Variants in DCLK2 observed in about 807,000 individuals in gnomAD.
DCLK2 encodes the protein serine/threonine-protein kinase DCLK2.
A neutral mutation model predicts 78.4 loss-of-function variants in DCLK2; 31 were observed. The observed-to-expected ratio is 0.40, with a 90% CI of 0.30 to 0.53. DCLK2 has a LOEUF of 0.53. Among genes scored for constraint, DCLK2 ranks in the 20% least tolerant of loss-of-function variants. DCLK2 has a pLI of 0.61. For synonymous variants in DCLK2, 407 were observed against 374.9 expected (o/e 1.09, Z -0.99); for missense variants, 872 against 973.7 (o/e 0.90, Z 1.39).
At chr4:150,213,811 A>T (rs1740485847) in intron 5 of DCLK2, among the ~76,000 whole-genome samples, 1 of 152,212 alleles carries the variant, frequency 6.6e-6, no homozygotes, top group Non-Finnish European at 1.5e-5. Context: ...GAATTAGGTG[A>T]CTTCCTTTAG....
rs1202230161 is a variant in DCLK2 at position 150,122,629 on chromosome 4, G to C, written c.756+19817G>C. 2.0e-5 allele frequency among the ~76,000 whole-genome samples: 3 copies of C among 152,178 alleles called. No individual in the cohort carries two copies. The South Asian group carries it at 6.2e-4, about 32-fold the overall frequency. On this transcript the variant is annotated intron_variant, in intron 2 of 15. Coordinates refer to ENST00000296550, the MANE Select transcript of DCLK2 (RefSeq NM_001040260.4). ...TGGGTGGGGGGCTAGGGGAGGGAGAGCATTAGGAGAAACACCTAATGTGGA... is the reference window on the plus strand; with the variant it reads ...TGGGTGGGGGGCTAGGGGAGGGAGACCATTAGGAGAAACACCTAATGTGGA...
chr4:150,246,161 C>T (rs1040768790), intron 12 of DCLK2, among the ~76,000 whole-genome samples: 4 of 152,074 alleles, frequency 2.6e-5, no homozygotes, highest in African/African-American at 7.2e-5. Context: ...TCTCCTGCCC[C>T]AGCCTCCTGA....
chr4:150,190,276 T>C (rs1464054945), intron 2 of DCLK2, among the ~76,000 whole-genome samples: 4 of 118,874 alleles, frequency 3.4e-5, no homozygotes, highest in Admixed American at 3.2e-4. Context: ...GATAGATAGA[T>C]AGATAGATAG....
intron 2 of DCLK2, among the ~76,000 whole-genome samples, chr4:150,162,977 T>C (rs1246161673): frequency 1.3e-5 from 2 of 152,230 alleles, no homozygotes; most frequent in African/African-American, 4.8e-5. Flanking sequence ...GTCTAACGAA[T>C]TGTTGGTACT....
At chr4:150,201,065 G>T (rs1354796144) in intron 4 of DCLK2, among the ~76,000 whole-genome samples, 2 of 152,112 alleles carry the variant, frequency 1.3e-5, no homozygotes, top group African/African-American at 4.8e-5. Flanking sequence ...TGATCCACCC[G>T]CCTCAGCCTC....
chr4:150,249,229 A>T (rs1196544737), intron 14 of DCLK2, among the ~76,000 whole-genome samples: 1 of 152,120 alleles, frequency 6.6e-6, no homozygotes. Context: ...TGATGCTTCC[A>T]TGGGAGGGAT....
chr4:150,147,993 A>G (rs1734604939), intron 2 of DCLK2, among the ~76,000 whole-genome samples: 1 of 152,354 alleles, frequency 6.6e-6, no homozygotes, highest in Admixed American at 6.5e-5. Flanking sequence ...CTCAGAAAGA[A>G]TTGCAGGAGA....
intron 8 of DCLK2, among the ~76,000 whole-genome samples, chr4:150,228,161 C>T (rs1053459792): frequency 3.9e-5 from 6 of 152,178 alleles, no homozygotes; most frequent in Admixed American, 1.3e-4. Flanking sequence ...ACCCTCTCCC[C>T]GCCACAATCC....
chr4:150,106,211 G>T (rs1031708394), intron 2 of DCLK2, among the ~76,000 whole-genome samples: 6 of 151,552 alleles, frequency 4.0e-5, no homozygotes, highest in African/African-American at 1.2e-4. Flanking sequence ...AGTCCATGTT[G>T]TACTATATAG....
At chr4:150,186,701 A>G (rs756208991) in intron 2 of DCLK2, among the ~76,000 whole-genome samples, 9 of 152,222 alleles carry the variant, frequency 5.9e-5, no homozygotes, top group Admixed American at 1.3e-4. Context: ...AAAAGTATCA[A>G]CTGAATTTGG....
intron 2 of DCLK2, among the ~76,000 whole-genome samples, chr4:150,119,018 GCT>G (rs1426090212): frequency 1.4e-5 from 2 of 139,734 alleles, no homozygotes; most frequent in African/African-American, 2.8e-5. Context: ...GTTGAGTGAG[GCT>G]CTGTCTCAAA....
At chr4:150,234,785 G>T (rs1486458680) in intron 10 of DCLK2, among the ~76,000 whole-genome samples, 1 of 151,792 alleles carries the variant, frequency 6.6e-6, no homozygotes, top group East Asian at 1.9e-4. Context: ...TGTGGACGTG[G>T]TTTTATGAAC....
chr4:150,202,195 A>G (rs1263069715), intron 4 of DCLK2, among the ~76,000 whole-genome samples: 1 of 152,212 alleles, frequency 6.6e-6, no homozygotes, highest in Non-Finnish European at 1.5e-5. Context: ...TTTGTGCTCT[A>G]CCTTTTAAAG....
chr4:150,112,818 G>A (rs1182477888), intron 2 of DCLK2, among the ~76,000 whole-genome samples: 6 of 91,882 alleles, frequency 6.5e-5, no homozygotes, highest in East Asian at 3.1e-4. Context: ...TTCTTTCCCC[G>A]CCCCCCGCCC....
intron 2 of DCLK2, among the ~76,000 whole-genome samples, chr4:150,129,002 C>T (rs1490056763): frequency 6.6e-6 from 1 of 152,102 alleles, no homozygotes; most frequent in Non-Finnish European, 1.5e-5. Flanking sequence ...GTAAACACTA[C>T]CTTTTAATAT....
chr4:150,131,489 C>A (rs1025303361), intron 2 of DCLK2, among the ~76,000 whole-genome samples: 2 of 151,978 alleles, frequency 1.3e-5, no homozygotes, highest in African/African-American at 2.4e-5. Flanking sequence ...CTGATATGAC[C>A]CAAGAAAATG....
At chr4:150,222,411 A>G (rs893585296) in intron 7 of DCLK2, among the ~76,000 whole-genome samples, 3 of 152,200 alleles carry the variant, frequency 2.0e-5, no homozygotes, top group African/African-American at 7.2e-5. Context: ...AACATCTCCT[A>G]TATTTACCGG....
chr4:150,241,408 C>G (rs1226234405), intron 12 of DCLK2, among the ~76,000 whole-genome samples: 1 of 152,118 alleles, frequency 6.6e-6, no homozygotes, highest in Non-Finnish European at 1.5e-5. Context: ...TTTCATCTCC[C>G]CCTCTGGAGC....
intron 2 of DCLK2, among the ~76,000 whole-genome samples, chr4:150,161,464 C>A (rs762771030): frequency 4.3e-4 from 65 of 152,046 alleles, no homozygotes; most frequent in Non-Finnish European, 5.9e-4. Context: ...TTTTTTGGTT[C>A]CCAGAGGTCT....
Sources: allele counts gnomAD v4.1 joint callset (sites outside exome capture counted in the v4.1 genomes callset), GRCh38; gene constraint gnomAD v4.1.1; transcripts MANE v1.5; gene names NCBI Gene and HGNC (gene_info 2026-07-23, HGNC 2026-07-21).